Variants in ORMDL2 observed in about 807,000 individuals in gnomAD.
ORMDL2 encodes ORMDL sphingolipid biosynthesis regulator 2.
A neutral mutation model predicts 13.5 loss-of-function variants in ORMDL2; 11 were observed. That is an observed-to-expected ratio of 0.82 (90% CI 0.51 to 1.35). ORMDL2 has a LOEUF of 1.35. Among genes scored for constraint, ORMDL2 ranks in the 40% most tolerant of loss-of-function variants. The probability of loss-of-function intolerance (pLI) is 0.00; values close to 1 mark genes in which losing one functional copy is unlikely to be tolerated. For missense variants in ORMDL2, 160 were observed against 191.1 expected (o/e 0.84, Z 0.96); for synonymous variants, 73 against 76.5 (o/e 0.95, Z 0.24).
In ORMDL2 at chr12:55,819,072, G is replaced by A; in HGVS notation, c.73G>A (p.Ala25Thr). 6.2e-7 allele frequency: 1 copy of A among 1,614,006 alleles called. No individual in the cohort carries two copies. ...GATGAATAGCCGAGGCATCTGGCTGGCCTACATCATCTTGGTAGGATTGCT... is the reference window on the plus strand; with the variant it reads ...GATGAATAGCCGAGGCATCTGGCTGACCTACATCATCTTGGTAGGATTGCT... ...RVMNSRGIWL[A>T]YIILVGLLHM... is the part of the protein sequence containing the mutation. The change falls in exon 2 of 4, where the codon GCC (alanine) becomes ACC (threonine). Residue 25 changes from alanine to threonine, a missense_variant. Physicochemically the swap from Ala to Thr is moderately conservative, Grantham distance 58. Transcript: ENST00000243045.
chr12:55,821,820 G>T lies in ORMDL2; in HGVS notation c.*1425G>T. The T allele has an allele frequency of 1.3e-6, 1 of 744,728 alleles. No homozygotes were observed. Among genetic ancestry groups the T allele is most frequent in the Non-Finnish European group, 2.0e-6 (1 of 490,764 alleles). The allele number at this position is 744,728 out of a possible 1,614,324, so 46.1% of individuals were successfully genotyped here. ...TGCAGTAAGCTGAGATCACACCACT[G>T]CACTCCAGCTGGGCAACAGAGCAAG... On this transcript the variant is annotated 3_prime_UTR_variant, in exon 4 of 4. Transcript: ENST00000243045.
At chr12:55,819,559 C>A in intron 3 of ORMDL2, 66 bp downstream of exon 3, 1 of 1,451,952 alleles carries the variant, frequency 6.9e-7, no homozygotes. Flanking sequence ...GTAGAAAGGC[C>A]CATAGGGAAG....
intron 1 of ORMDL2, 198 bp downstream of exon 1, chr12:55,818,310 C>T: frequency 3.0e-6 from 1 of 333,978 alleles, no homozygotes; most frequent in Non-Finnish European, 6.0e-6. Context: ...CGGGCAAGAG[C>T]CGCTTCCTAA....
chr12:55,818,831 A>G (rs1880583646), intron 1 of ORMDL2, 168 bp from the exon 2 acceptor site: 6 of 603,290 alleles, frequency 9.9e-6, no homozygotes, highest in Non-Finnish European at 1.5e-5. Context: ...CTTGTCTTTT[A>G]AAGTTTTCCC....
chr12:55,819,611 A>G (rs1385147743), intron 3 of ORMDL2, 118 bp downstream of exon 3: 1 of 849,006 alleles, frequency 1.2e-6, no homozygotes, highest in East Asian at 2.4e-5. Context: ...CTTTGAAGAT[A>G]TTATGGTATA....
chr12:55,820,568 C>G lies in ORMDL2; in HGVS notation c.*173C>G, dbSNP rs1416002935. 1 of 730,736 alleles carries G rather than the reference C, an allele frequency of 1.4e-6. No homozygotes were observed. 45.3% of individuals were successfully genotyped at this position (730,736 alleles called of 1,614,324 possible). On this transcript the variant is annotated 3_prime_UTR_variant, in exon 4 of 4. Coordinates refer to ENST00000243045, the MANE Select transcript of ORMDL2 (RefSeq NM_014182.5). The stretch of plus-strand genomic sequence containing the variant: ...GAGATTGGCAAATGGGGCTCCTGGG[C>G]CCAGTCCTGCTAGTGGCAAGTTTCT...
At chr12:55,818,719 G>C (rs1880580649) in intron 1 of ORMDL2, 2 of 403,804 alleles carry the variant, frequency 5.0e-6, no homozygotes. Context: ...CTTGCTCCCT[G>C]AAGTGAGTGC....
intron 1 of ORMDL2, chr12:55,818,744 T>C (rs1247470301): frequency 6.3e-6 from 3 of 479,054 alleles, no homozygotes; most frequent in African/African-American, 3.8e-5. Flanking sequence ...AGCCTACACA[T>C]ACACCTTCAT....
rs1022143340 is a variant in ORMDL2 at position 55,821,858 on chromosome 12, A to C, written c.*1463A>C. On this transcript the variant is annotated 3_prime_UTR_variant, in exon 4 of 4. Coordinates refer to ENST00000243045, the MANE Select transcript of ORMDL2 (RefSeq NM_014182.5). ...GCAACAGAGCAAGACTCCATCTCAAAAAATAAAAAGAAAAAGATTCAGTTC... is the reference window on the plus strand; with the variant it reads ...GCAACAGAGCAAGACTCCATCTCAACAAATAAAAAGAAAAAGATTCAGTTC... 9.1e-6 allele frequency: 11 copies of C among 1,202,248 alleles called. No homozygotes were observed. Among genetic ancestry groups the C allele is most frequent in the Non-Finnish European group, 1.2e-5 (10 of 868,176 alleles). 74.5% of individuals were successfully genotyped at this position (1,202,248 alleles called of 1,614,324 possible). A position where few individuals can be genotyped will look rare whatever the true frequency, so the allele number is the denominator to read the frequency against.
intron 2 of ORMDL2, 54 bp from the exon 3 acceptor site, chr12:55,819,288 T>G: frequency 6.3e-7 from 1 of 1,593,588 alleles, no homozygotes; most frequent in Non-Finnish European, 8.6e-7. Flanking sequence ...AACATAATTC[T>G]TTGACTGAAA....
At chr12:55,818,349 C>T (rs1239149536) in intron 1 of ORMDL2, 1 of 291,338 alleles carries the variant, frequency 3.4e-6, no homozygotes, top group Non-Finnish European at 6.8e-6. Context: ...AGAGCTACCA[C>T]AATTTTAAAG....
Position 55,819,152 on chromosome 12 carries a change from GA to G in ORMDL2, c.154del (p.Thr52ProfsTer16). On this transcript the variant is annotated frameshift_variant, in exon 2 of 4. Coordinates refer to ENST00000243045, the MANE Select transcript of ORMDL2 (RefSeq NM_014182.5). LOFTEE classifies it high-confidence loss of function. ...FFSIPVVWTL[T>X]NVIHNLATYV... ...TCAGCATTCCTGTTGTCTGGACCCTGACCAACGTCATCCATAACCTGGTGAG... is the reference window on the plus strand; with the variant it reads ...TCAGCATTCCTGTTGTCTGGACCCTGCCAACGTCATCCATAACCTGGTGAG... 6.2e-7 allele frequency: 1 copy of G among 1,614,090 alleles called. No individual in the cohort carries two copies. Among genetic ancestry groups the G allele is most frequent in the African/African-American group, 1.3e-5 (1 of 75,028 alleles).
At position 55,820,268 on chromosome 12, in the gene ORMDL2, T is replaced by TG; in HGVS notation, c.337dup (p.Ala113GlyfsTer8). On this transcript the variant is annotated frameshift_variant, in exon 4 of 4. Coordinates refer to ENST00000243045, the MANE Select transcript of ORMDL2 (RefSeq NM_014182.5). LOFTEE classifies it high-confidence loss of function. ...TTTTTTTCTCTCCCCAGCTATCTCC[T>TG]GGCCAGCTTCTATACCAAGTATGAT... The TG allele has an allele frequency of 1.2e-6, 2 of 1,612,374 alleles. No individual in the cohort carries two copies. Among genetic ancestry groups the TG allele is most frequent in the Non-Finnish European group, 8.5e-7 (1 of 1,178,840 alleles).
intron 3 of ORMDL2, among the ~76,000 whole-genome samples, chr12:55,819,842 A>G (rs1006281920): frequency 6.6e-6 from 1 of 152,254 alleles, no homozygotes; most frequent in African/African-American, 2.4e-5. Flanking sequence ...AGAGGACTGT[A>G]ACAGTCATAC....
rs1286666394 is a variant in ORMDL2, at chr12:55,821,770, T to C, written c.*1375T>C. ...TACTCAGGAGGCTGAGATGGGAGAA[T>C]TGCTTGAACCCGGGAGACAGAGGTT... On this transcript the variant is annotated 3_prime_UTR_variant, in exon 4 of 4. Transcript: ENST00000243045. 4 of 396,284 alleles carry C rather than the reference T, an allele frequency of 1.0e-5. No homozygotes were observed. In the South Asian group the frequency reaches 2.0e-4, roughly 20 times the overall value. 24.5% of individuals were successfully genotyped at this position (396,284 alleles called of 1,614,324 possible).
At chr12:55,818,739 A>C in intron 1 of ORMDL2, 1 of 465,002 alleles carries the variant, frequency 2.2e-6, no homozygotes, top group Admixed American at 3.4e-5. Flanking sequence ...CCCCAAGCCT[A>C]CACATACACC....
rs919519572 is a variant in ORMDL2, at chr12:55,821,126, C to T, written c.*731C>T. The stretch of plus-strand genomic sequence containing the variant: ...GGAACCCCCGTATTCTTCCCCCTCA[C>T]CCAAGGGCAGTGGGCATGAATCTAC... On this transcript the variant is annotated 3_prime_UTR_variant, in exon 4 of 4. Coordinates refer to ENST00000243045, the MANE Select transcript of ORMDL2 (RefSeq NM_014182.5). 1 of 152,608 alleles carries T rather than the reference C, an allele frequency of 6.6e-6. No homozygotes were observed. Among genetic ancestry groups the T allele is most frequent in the African/African-American group, 2.4e-5 (1 of 41,426 alleles). The allele number at this position is 152,608 out of a possible 1,614,324, so 9.5% of individuals were successfully genotyped here.
At position 55,819,408 on chromosome 12, in the gene ORMDL2, C is replaced by T. The variant is rs754591802; in HGVS notation, c.241C>T (p.Arg81Trp). 7.4e-6 allele frequency: 12 copies of T among 1,613,936 alleles called. No homozygotes were observed. Among genetic ancestry groups the T allele is most frequent in the East Asian group, 2.2e-5 (1 of 44,896 alleles). Reference sequence around the variant, plus strand: ...TGAGACTCCTGACCAAGGAAAGGCTCGGCTACTGACACACTGGGAGCAAAT... The same window carrying T: ...TGAGACTCCTGACCAAGGAAAGGCTTGGCTACTGACACACTGGGAGCAAAT... ...PFETPDQGKARLLTHWEQMDY... is the reference protein window; with the variant it reads ...PFETPDQGKAWLLTHWEQMDY... The change falls in exon 3 of 4, where the codon CGG (arginine) becomes TGG (tryptophan). Residue 81 changes from arginine to tryptophan, a missense_variant. By Grantham distance (101) the Arg-to-Trp change is moderately radical (BLOSUM62 -3). Coordinates refer to ENST00000243045, the MANE Select transcript of ORMDL2 (RefSeq NM_014182.5).
chr12:55,820,358 TC>T lies in ORMDL2; in HGVS notation c.427del (p.His143MetfsTer46). ...LSVLLPKLPQ[F>X]HGVRVFGINK... ...GTACTGCTGCCGAAGTTGCCCCAGTTCCATGGGGTTCGTGTCTTTGGCATCA... is the reference window on the plus strand; with the variant it reads ...GTACTGCTGCCGAAGTTGCCCCAGTTCATGGGGTTCGTGTCTTTGGCATCA... On this transcript the variant is annotated frameshift_variant, in exon 4 of 4. Coordinates refer to ENST00000243045, the MANE Select transcript of ORMDL2 (RefSeq NM_014182.5). LOFTEE classifies it high-confidence loss of function. The T allele has an allele frequency of 6.2e-7, 1 of 1,614,188 alleles. No individual in the cohort carries two copies. The highest frequency in any genetic ancestry group is 8.5e-7 in the Non-Finnish European group (1 of 1,180,034).
Sources: gnomAD v4.1 joint callset for allele counts (sites outside exome capture counted in the v4.1 genomes callset) on GRCh38, gnomAD v4.1.1 for gene constraint, MANE v1.5 for transcripts, NCBI Gene and HGNC (gene_info 2026-07-23, HGNC 2026-07-21) for gene names.